Variants in FOXN3 observed in about 807,000 individuals in gnomAD.
FOXN3 encodes forkhead box N3.
In FOXN3, 7 loss-of-function variants were observed where a neutral mutation model predicts 38.4. That is an observed-to-expected ratio of 0.18 (90% confidence interval 0.10 to 0.34). The LOEUF (loss-of-function observed/expected upper bound fraction) is 0.34, where lower values mean the gene tolerates loss of function less well. Among genes scored for constraint, FOXN3 ranks in the 10% least tolerant of loss-of-function variants. FOXN3 has a pLI of 1.00. For synonymous variants in FOXN3, 230 were observed against 242.2 expected, an observed-to-expected ratio of 0.95 and a Z score of 0.47; for missense variants, 456 against 613.4, an observed-to-expected ratio of 0.74 and a Z score of 2.71.
intron 1 of FOXN3, among the ~76,000 whole-genome samples, chr14:89,529,007 A>G (rs966376507): frequency 6.6e-6 from 1 of 152,182 alleles, no homozygotes; most frequent in African/African-American, 2.4e-5. Flanking sequence ...GTAGTATATC[A>G]TATATCAATA....
chr14:89,488,639 A>C (rs999334685), intron 1 of FOXN3, among the ~76,000 whole-genome samples: 1 of 151,936 alleles, frequency 6.6e-6, no homozygotes, highest in African/African-American at 2.4e-5. Flanking sequence ...AAAAAAAAAA[A>C]ACTACATCCA....
At chr14:89,271,950 T>A (rs1002769283) in intron 4 of FOXN3, among the ~76,000 whole-genome samples, 2 of 152,232 alleles carry the variant, frequency 1.3e-5, no homozygotes, top group African/African-American at 4.8e-5. Flanking sequence ...GAACAATTGC[T>A]TCAGGCCTTG....
At chr14:89,179,915 G>C (rs1234843179) in intron 5 of FOXN3, among the ~76,000 whole-genome samples, 1 of 152,240 alleles carries the variant, frequency 6.6e-6, no homozygotes, top group African/African-American at 2.4e-5. Context: ...TCGAGGAGAA[G>C]GAAGGACTAT....
intron 4 of FOXN3, among the ~76,000 whole-genome samples, chr14:89,213,819 CA>C (rs11308480): frequency 0.79 from 119,851 of 152,084 alleles, 47,374 homozygotes; most frequent in African/African-American, 0.85. Context: ...AGAAGGCATA[CA>C]AATATCAAAA....
chr14:89,267,575 T>C (rs926587662), intron 4 of FOXN3, among the ~76,000 whole-genome samples: 1 of 152,142 alleles, frequency 6.6e-6, no homozygotes, highest in Non-Finnish European at 1.5e-5. Context: ...ATAATAATAA[T>C]CACATCTCAA....
intron 1 of FOXN3, among the ~76,000 whole-genome samples, chr14:89,562,831 G>A (rs1337075736): frequency 2.6e-5 from 4 of 152,166 alleles, no homozygotes; most frequent in Non-Finnish European, 5.9e-5. Flanking sequence ...TGACATCTGC[G>A]TTACCACAGC....
rs947617295 is a variant in FOXN3, at chr14:89,484,749, A to G, written c.-14-72259T>C. On this transcript the variant is annotated intron_variant, in intron 1 of 6. Coordinates refer to the FOXN3 transcript ENST00000345097. The surrounding 1 kb of genome is among the most constrained non-coding windows in gnomAD (Gnocchi z 4.0). ...GATTCCAGAAGGCCCAAGCTTCTGC[A>G]CACCTGTGTGCAGGAAGGCAGATGG... Among the ~76,000 whole-genome samples, 8 of 152,200 alleles carry G rather than the reference A, an allele frequency of 5.3e-5. No individual in the cohort carries two copies. Among genetic ancestry groups the G allele is most frequent in the African/African-American group, 1.4e-4 (6 of 41,450 alleles).
At chr14:89,296,686 A>T (rs992887421) in intron 3 of FOXN3, among the ~76,000 whole-genome samples, 2 of 152,306 alleles carry the variant, frequency 1.3e-5, no homozygotes, top group African/African-American at 4.8e-5. Context: ...TCTAGGCTGG[A>T]GCGCAATGGC....
intron 3 of FOXN3, among the ~76,000 whole-genome samples, chr14:89,325,350 C>CTCCACT (rs1888043288): frequency 6.9e-6 from 1 of 144,614 alleles, no homozygotes; most frequent in Non-Finnish European, 1.5e-5. Flanking sequence ...CCACCACCAC[C>CTCCACT]ACCACCACCA....
intron 3 of FOXN3, among the ~76,000 whole-genome samples, chr14:89,302,604 C>T (rs1040776114): frequency 6.6e-6 from 1 of 152,184 alleles, no homozygotes; most frequent in African/African-American, 2.4e-5. Flanking sequence ...ATTGGGCTCA[C>T]CTTTGCAAGT....
At chr14:89,174,750 G>T (rs970410556) in intron 5 of FOXN3, among the ~76,000 whole-genome samples, 3 of 152,160 alleles carry the variant, frequency 2.0e-5, no homozygotes, top group African/African-American at 7.2e-5. Context: ...GGGCCCAGGA[G>T]GGAATTCAGT....
chr14:89,520,621 A>G (rs1479252772), intron 1 of FOXN3, among the ~76,000 whole-genome samples: 2 of 152,246 alleles, frequency 1.3e-5, no homozygotes, highest in East Asian at 3.8e-4. Context: ...CCTGCTGCTC[A>G]TTGCAAGAAA....
upstream of FOXN3, among the ~76,000 whole-genome samples, chr14:89,421,781 A>G (rs1891916980): frequency 6.6e-6 from 1 of 152,128 alleles, no homozygotes; most frequent in African/African-American, 2.4e-5. Context: ...TGCCCGCCTC[A>G]GCCTCCCAAA....
At chr14:89,534,011 C>T (rs1449657695) in intron 1 of FOXN3, among the ~76,000 whole-genome samples, 2 of 151,846 alleles carry the variant, frequency 1.3e-5, no homozygotes, top group African/African-American at 4.8e-5. Context: ...CCTTGTTAAT[C>T]ATCCCCTTCC....
intron 1 of FOXN3, among the ~76,000 whole-genome samples, chr14:89,600,587 G>A (rs1228497401): frequency 1.3e-5 from 2 of 152,108 alleles, no homozygotes; most frequent in South Asian, 2.1e-4. Context: ...TGGCCACGTC[G>A]AAGATATGGA....
intron 1 of FOXN3, among the ~76,000 whole-genome samples, chr14:89,566,446 T>TAA (rs58034619): frequency 0.026 from 3,878 of 151,784 alleles, 77 homozygotes; most frequent in African/African-American, 0.061. Context: ...ATAATTTTTT[T>TAA]AAAAAAAAAT....
At chr14:89,561,941 C>T (rs190872630) in intron 1 of FOXN3, among the ~76,000 whole-genome samples, 9 of 152,280 alleles carry the variant, frequency 5.9e-5, no homozygotes, top group Admixed American at 5.2e-4. Flanking sequence ...TTTTGAGCGT[C>T]CATGCCGTTC....
chr14:89,393,811 TA>T (rs1248594954), intron 2 of FOXN3, among the ~76,000 whole-genome samples: 2 of 151,932 alleles, frequency 1.3e-5, no homozygotes, highest in African/African-American at 4.8e-5. Flanking sequence ...GGGGCAAAAG[TA>T]GAGGAGAAAG....
chr14:89,186,053 C>T (rs1314581758), intron 4 of FOXN3, among the ~76,000 whole-genome samples: 1 of 152,252 alleles, frequency 6.6e-6, no homozygotes, highest in Non-Finnish European at 1.5e-5. Context: ...CCTCTGAGCT[C>T]TTGCCGCTGC....
Sources: allele counts gnomAD v4.1 joint callset (sites outside exome capture counted in the v4.1 genomes callset), GRCh38; gene constraint gnomAD v4.1.1; non-coding constraint Gnocchi (gnomAD v3.1); transcripts MANE v1.5; gene names NCBI Gene and HGNC (gene_info 2026-07-23, HGNC 2026-07-21).